Variants in COL16A1 observed in about 807,000 individuals in gnomAD.
COL16A1 encodes the protein collagen alpha-1(XVI) chain.
In COL16A1, 189 loss-of-function variants were observed where a neutral mutation model predicts 266.3. The observed-to-expected ratio is 0.71, with a 90% CI of 0.63 to 0.80. The LOEUF is 0.80. Among genes scored for constraint, COL16A1 ranks in the 30% least tolerant of loss-of-function variants. The pLI, the probability that COL16A1 is intolerant of heterozygous loss-of-function variation, is 0.00. For missense variants in COL16A1, 1,928 were observed against 2,122.4 expected (o/e 0.91, Z 1.80); for synonymous variants, 740 against 782.3 (o/e 0.95, Z 0.90).
Position 31,696,083 on chromosome 1 carries a change from T to G in COL16A1, c.918+5A>C. On this transcript the variant is annotated splice_donor_5th_base_variant and intron_variant, in intron 9 of 70. Coordinates refer to ENST00000373672, the MANE Select transcript of COL16A1 (RefSeq NM_001856.4). ...GTAGGCTCCTCCCCCCACCCCCACC[T>G]CTACCTTTGCTCCCCTTTCTGCCTT... 9.5e-6 allele frequency: 8 copies of G among 838,560 alleles called. No homozygotes were observed. The highest frequency in any genetic ancestry group is 3.6e-5 in the East Asian group (1 of 27,770). 51.9% of individuals were successfully genotyped at this position (838,560 alleles called of 1,614,324 possible).
At chr1:31,693,304 T>C (rs964934251) in intron 12 of COL16A1, 150 bp from the exon 13 acceptor site, 1 of 586,280 alleles carries the variant, frequency 1.7e-6, no homozygotes, top group Non-Finnish European at 3.1e-6. Flanking sequence ...GCCCCACGCC[T>C]CCCCCCACCA....
Position 31,653,992 on chromosome 1 carries a change from G to A in COL16A1, c.4409C>T (p.Ala1470Val), listed in dbSNP as rs1286971664. Residue 1470 changes from alanine (A) to valine (V), a missense_variant, in exon 69 of 71, where the codon GCA becomes GTA. Transcript: ENST00000373672. The part of the protein sequence containing the change: ...SRMQFPMEMA[A>V]APGRPGPPGK... ...TGGAGGCCCTGGTCGTCCCGGAGCTGCCGCCATCTCCATGGGGAACTGCAT... is the reference window on the plus strand; with the variant it reads ...TGGAGGCCCTGGTCGTCCCGGAGCTACCGCCATCTCCATGGGGAACTGCAT... 2 of 1,614,202 alleles carry A rather than the reference G, an allele frequency of 1.2e-6. No homozygotes were observed. Among genetic ancestry groups the A allele is most frequent in the Admixed American group, 1.7e-5 (1 of 60,028 alleles).
At chr1:31,662,536 A>T (rs1447467954) in intron 57 of COL16A1, 51 bp downstream of exon 57, 1 of 1,547,350 alleles carries the variant, frequency 6.5e-7, no homozygotes, top group African/African-American at 1.4e-5. Context: ...TGCACCACAC[A>T]CATGCGCATG....
At position 31,672,619 on chromosome 1, in the gene COL16A1, G is replaced by T. The variant is rs762320395; in HGVS notation, c.2995C>A (p.Arg999Ser). The T allele has an allele frequency of 6.2e-7, 1 of 1,604,890 alleles. No homozygotes were observed. The highest frequency in any genetic ancestry group is 1.1e-5 in the South Asian group (1 of 89,754). The change falls in exon 46 of 71, where the codon CGC (arginine) becomes AGC (serine). Residue 999 changes from arginine (R) to serine (S), a missense_variant. Physicochemically the swap from Arg to Ser is moderately radical, Grantham distance 110. Transcript: ENST00000373672. Reference sequence around the variant, plus strand: ...ACCCGGGCCTCCTCGGCTCTTGGGCGCTCCAGTGACAAAAAGCACTGCAAG... The same window carrying T: ...ACCCGGGCCTCCTCGGCTCTTGGGCTCTCCAGTGACAAAAAGCACTGCAAG... Reference protein sequence around the residue: ...NCAQCFLSLERPRAEEARGDN... With the variant: ...NCAQCFLSLESPRAEEARGDN...
intron 62 of COL16A1, chr1:31,659,985 C>G (rs1392301256): frequency 1.1e-5 from 1 of 89,688 alleles, no homozygotes; most frequent in African/African-American, 3.6e-5. Context: ...TGGTCATGAA[C>G]TATTTTTAAC....
chr1:31,662,580 C>A lies in COL16A1; in HGVS notation c.3627+7G>T. On this transcript the variant is annotated splice_region_variant and intron_variant, in intron 57 of 70. Coordinates refer to ENST00000373672, the MANE Select transcript of COL16A1 (RefSeq NM_001856.4). Reference sequence around the variant, plus strand: ...ACGTCTGCCACGCTGAAAGGGCACACACTCACCTGAATCCCAGGAGGTCCC... The same window carrying A: ...ACGTCTGCCACGCTGAAAGGGCACAAACTCACCTGAATCCCAGGAGGTCCC... 6.4e-7 allele frequency: 1 copy of A among 1,565,452 alleles called. No individual in the cohort carries two copies.
chr1:31,652,846 T>A lies in COL16A1; in HGVS notation c.4620A>T (p.Gln1540His). ...CCATCTTGCCATAGCCTGGAGGACC[T>A]TGAGGACCTAGGGAGGGAAGGGCCA... ...ENGLPGPPGP[Q>H]GPPGYGKMGA... The change falls in exon 71 of 71, where the codon CAA becomes CAT. Residue 1540 changes from glutamine to histidine, a missense_variant. This residue lies in a region of COL16A1 where 376 missense variants were observed against 485.2 expected (regional missense o/e 0.77). Transcript: ENST00000373672. This position sits in a 1 kb window ranked among gnomAD's most constrained non-coding sequence, Gnocchi z 4.8. 6.6e-7 allele frequency: 1 copy of A among 1,524,450 alleles called. No homozygotes were observed. Among genetic ancestry groups the A allele is most frequent in the Non-Finnish European group, 8.8e-7 (1 of 1,139,288 alleles). The allele number at this position is 1,524,450 out of a possible 1,614,324, so 94.4% of individuals were successfully genotyped here. A position where few individuals can be genotyped will look rare whatever the true frequency, so the allele number is the denominator to read the frequency against.
chr1:31,695,003 C>T (rs1290511180), intron 11 of COL16A1, among the ~76,000 whole-genome samples, 183 bp downstream of exon 11: 3 of 152,234 alleles, frequency 2.0e-5, no homozygotes, highest in African/African-American at 7.2e-5. Context: ...TTCTTCCACA[C>T]AGTCCTGGCT....
In COL16A1 at chr1:31,656,256, C is replaced by T; in HGVS notation, c.4101+144G>A. On this transcript the variant is annotated intron_variant, in intron 66 of 70. Transcript: ENST00000373672. This position sits in a 1 kb window ranked among gnomAD's most constrained non-coding sequence, Gnocchi z 4.2. ...TGACCCCATGTGAGAAATTTTCAGACACTATCCTGCTCCAAGTTCTGCATT... is the reference window on the plus strand; with the variant it reads ...TGACCCCATGTGAGAAATTTTCAGATACTATCCTGCTCCAAGTTCTGCATT... 7.1e-7 allele frequency: 1 copy of T among 1,403,144 alleles called. No individual in the cohort carries two copies. The highest frequency in any genetic ancestry group is 9.7e-7 in the Non-Finnish European group (1 of 1,036,240). The allele number at this position is 1,403,144 out of a possible 1,614,324, so 86.9% of individuals were successfully genotyped here. A position where few individuals can be genotyped will look rare whatever the true frequency, so the allele number is the denominator to read the frequency against.
chr1:31,662,671 GC>G lies in COL16A1; in HGVS notation c.3556-14del. On this transcript the variant is annotated splice_polypyrimidine_tract_variant and intron_variant, in intron 56 of 70. Transcript: ENST00000373672. ...TCCCTTCGCTGCCCTGGAAACCAGC[GC>G]CGCCCCCCCCCCCCGCCCCACAATA... The G allele has an allele frequency of 6.8e-7, 1 of 1,463,440 alleles. No homozygotes were observed. Among genetic ancestry groups the G allele is most frequent in the Non-Finnish European group, 9.1e-7 (1 of 1,102,260 alleles). 90.7% of individuals were successfully genotyped at this position (1,463,440 alleles called of 1,614,324 possible).
intron 19 of COL16A1, 22 bp from the exon 20 acceptor site, chr1:31,691,248 C>A (rs774775081): frequency 9.3e-6 from 15 of 1,613,034 alleles, no homozygotes; most frequent in Non-Finnish European, 1.3e-5. Flanking sequence ...AACAGAGTCA[C>A]GTGGAAGTTT....
Position 31,672,588 on chromosome 1 carries a change from G to A in COL16A1, c.3018+8C>T, listed in dbSNP as rs554280455. The A allele has an allele frequency of 6.2e-7, 1 of 1,608,114 alleles. No homozygotes were observed. Among genetic ancestry groups the A allele is most frequent in the Non-Finnish European group, 8.5e-7 (1 of 1,176,030 alleles). Reference sequence around the variant, plus strand: ...GCATGATCGGGGGAGATAAGGCGAGGCACTCACCCGGGCCTCCTCGGCTCT... The same window carrying A: ...GCATGATCGGGGGAGATAAGGCGAGACACTCACCCGGGCCTCCTCGGCTCT... On this transcript the variant is annotated splice_region_variant and intron_variant, in intron 46 of 70. Coordinates refer to ENST00000373672, the MANE Select transcript of COL16A1 (RefSeq NM_001856.4).
intron 31 of COL16A1, 70 bp from the exon 32 acceptor site, chr1:31,684,301 C>T: frequency 6.9e-7 from 1 of 1,447,772 alleles, no homozygotes; most frequent in African/African-American, 1.4e-5. Context: ...CGCCCTGCAC[C>T]CCTCTGAACA....
Position 31,693,300 on chromosome 1 carries a change from C to T in COL16A1, c.1009-146G>A, listed in dbSNP as rs977246126. On this transcript the variant is annotated intron_variant, in intron 12 of 70. Transcript: ENST00000373672. ...CACATGTGAGCAGTGTCCTGCCCCA[C>T]GCCTCCCCCCACCACACACAAGCAT... is the stretch of plus-strand genomic sequence containing the variant. 6.5e-5 allele frequency: 42 copies of T among 642,226 alleles called. 1 individual carries two copies. Among genetic ancestry groups the T allele is most frequent in the South Asian group, 2.6e-4 (15 of 56,764 alleles). The allele number at this position is 642,226 out of a possible 1,614,324, so 39.8% of individuals were successfully genotyped here.
At chr1:31,666,821 C>T (rs1280878041) in intron 52 of COL16A1, among the ~76,000 whole-genome samples, 1 of 152,190 alleles carries the variant, frequency 6.6e-6, no homozygotes, top group Non-Finnish European at 1.5e-5. Context: ...TCTCCAGCCC[C>T]TTCCCCTGTC....
chr1:31,654,729 G>C, intron 68 of COL16A1, 63 bp downstream of exon 68: 1 of 1,612,684 alleles, frequency 6.2e-7, no homozygotes, highest in East Asian at 2.2e-5. Flanking sequence ...GGCCAAGGCA[G>C]GGCAGAGAAG....
In COL16A1 at chr1:31,696,082, C is replaced by CACAAACAA; in HGVS notation, c.918+5_918+6insTTGTTTGT. The CACAAACAA allele has an allele frequency of 6.2e-7, 1 of 1,607,668 alleles. No homozygotes were observed. The highest frequency in any genetic ancestry group is 8.5e-7 in the Non-Finnish European group (1 of 1,174,362). On this transcript the variant is annotated splice_donor_region_variant and intron_variant, in intron 9 of 70. Transcript: ENST00000373672. The stretch of plus-strand genomic sequence containing the variant: ...GGTAGGCTCCTCCCCCCACCCCCAC[C>CACAAACAA]TCTACCTTTGCTCCCCTTTCTGCCT...
chr1:31,689,845 G>T lies in COL16A1; in HGVS notation c.1516C>A (p.Pro506Thr). ...GGCAGTGTTGGGCACACTTCACAGG[G>T]GTCACCCTAGCAGAAGGGAGAGGCA... ...KPGVKGEKGDPCEVCPTLPEG... is the reference protein window; with the variant it reads ...KPGVKGEKGDTCEVCPTLPEG... Residue 506 changes from proline (P) to threonine (T), a missense_variant, in exon 23 of 71, where the codon CCC becomes ACC. Pro to Thr is a conservative substitution (Grantham distance 38, BLOSUM62 -1). Transcript: ENST00000373672. 1 of 1,613,810 alleles carries T rather than the reference G, an allele frequency of 6.2e-7. No homozygotes were observed. The highest frequency in any genetic ancestry group is 8.5e-7 in the Non-Finnish European group (1 of 1,179,844).
intron 2 of COL16A1, chr1:31,701,610 C>CT (rs1363496405): frequency 1.0e-6 from 1 of 977,884 alleles, no homozygotes; most frequent in East Asian, 1.1e-4. Context: ...CGGGGTGGGC[C>CT]TTTTATTAGA....
Sources: gnomAD v4.1 joint callset for allele counts (sites outside exome capture counted in the v4.1 genomes callset) on GRCh38, gnomAD v4.1.1 for gene constraint, gnomAD v4.1.1 regional missense constraint, Gnocchi (gnomAD v3.1) non-coding constraint, MANE v1.5 for transcripts, NCBI Gene and HGNC (gene_info 2026-07-23, HGNC 2026-07-21) for gene names.